The following XIRP2 variants were observed in gnomAD, a reference collection of about 807,000 sequenced individuals.
XIRP2 encodes xin actin-binding repeat-containing protein 2.
In XIRP2, 236 loss-of-function variants were observed where a neutral mutation model predicts 277.0. That is an observed-to-expected ratio of 0.85 (90% CI 0.77 to 0.95). The LOEUF is 0.95. Among genes scored for constraint, XIRP2 ranks in the 40% least tolerant of loss-of-function variants. The pLI is 0.00. For missense variants in XIRP2, 4,640 were observed against 4,157.5 expected (o/e 1.12, Z -3.19); for synonymous variants, 1,490 against 1,416.5 (o/e 1.05, Z -1.17).
chr2:167,240,922 A>G (rs1173651010), intron 7 of XIRP2, among the ~76,000 whole-genome samples, 186 bp downstream of exon 7: 4 of 152,194 alleles, frequency 2.6e-5, no homozygotes, highest in African/African-American at 9.7e-5. Flanking sequence ...CATAGGTGCA[A>G]TAAGTTTCTA....
intron 3 of XIRP2, among the ~76,000 whole-genome samples, chr2:167,147,291 G>A (rs1176498317): frequency 6.6e-6 from 1 of 152,174 alleles, no homozygotes; most frequent in Non-Finnish European, 1.5e-5. Context: ...GGCTTGGGAT[G>A]TGCAAACCCT....
At chr2:167,150,264 T>C (rs1178214912) in intron 3 of XIRP2, among the ~76,000 whole-genome samples, 1 of 152,066 alleles carries the variant, frequency 6.6e-6, no homozygotes. Flanking sequence ...TTTGTAGTTG[T>C]GGAGTGTATA....
chr2:167,251,789 T>C lies in XIRP2; in HGVS notation c.10397T>C (p.Ile3466Thr). The change falls in exon 9 of 11, where the codon ATT becomes ACT. Residue 3466 changes from isoleucine (I) to threonine (T), a missense_variant. By Grantham distance (89) the Ile-to-Thr change is moderately conservative. Transcript: ENST00000409195. The stretch of plus-strand genomic sequence containing the variant: ...TATGAGGATGTCATTGCTGGACATA[T>C]TTTAGATATCTCTGATTCACCTAAA... The part of the protein sequence containing the change: ...PTYEDVIAGH[I>T]LDISDSPKEV... 1 of 1,613,390 alleles carries C rather than the reference T, an allele frequency of 6.2e-7. No homozygotes were observed. Among genetic ancestry groups the C allele is most frequent in the Non-Finnish European group, 8.5e-7 (1 of 1,179,590 alleles).
chr2:167,259,159 G>A lies in XIRP2; in HGVS notation c.*1342G>A. On this transcript the variant is annotated 3_prime_UTR_variant, in exon 11 of 11. Transcript: ENST00000409195. ...ATCAAATTAAAAATATGCCATGCTT[G>A]GATTTAAGGGAATTTGGAAAGGATG... The A allele has an allele frequency of 1.9e-6, 3 of 1,612,978 alleles. No homozygotes were observed. Among genetic ancestry groups the A allele is most frequent in the Non-Finnish European group, 2.5e-6 (3 of 1,179,506 alleles).
chr2:166,973,029 A>G (rs1336559360), intron 2 of XIRP2, among the ~76,000 whole-genome samples: 2 of 152,106 alleles, frequency 1.3e-5, no homozygotes, highest in African/African-American at 4.8e-5. Flanking sequence ...TTTAACTTAC[A>G]TTTTCTAGCA....
chr2:166,976,446 T>C (rs2105426991), intron 2 of XIRP2, among the ~76,000 whole-genome samples: 1 of 152,356 alleles, frequency 6.6e-6, no homozygotes, highest in Non-Finnish European at 1.5e-5. Context: ...TTCCACTTTT[T>C]CTTCTAATAG....
In XIRP2 at chr2:167,247,711, A is replaced by T. The variant is rs1485341528; in HGVS notation, c.6319A>T (p.Lys2107Ter). 1 of 1,613,668 alleles carries T rather than the reference A, an allele frequency of 6.2e-7. No individual in the cohort carries two copies. Among genetic ancestry groups the T allele is most frequent in the East Asian group, 2.2e-5 (1 of 44,828 alleles). Reference protein sequence around the residue: ...ESDRAVRELKKDDVFNSIQSA... With the variant: ...ESDRAVRELK ...AGACAGGGCAGTGAGAGAGCTGAAG[A>T]AGGATGATGTCTTTAATTCCATCCA... The change falls in exon 9 of 11, where the codon AAG becomes TAG. Residue 2107 changes from lysine to a stop codon, truncating the protein, a stop_gained. Transcript: ENST00000409195. LOFTEE classifies it high-confidence loss of function.
At chr2:167,100,462 G>T (rs1034401569) in intron 2 of XIRP2, among the ~76,000 whole-genome samples, 2 of 152,172 alleles carry the variant, frequency 1.3e-5, no homozygotes, top group African/African-American at 4.8e-5. Flanking sequence ...ATCCTAAAGA[G>T]ATATTCTCCT....
At chr2:167,181,489 T>C (rs913692455) in intron 3 of XIRP2, among the ~76,000 whole-genome samples, 1 of 152,230 alleles carries the variant, frequency 6.6e-6, no homozygotes, top group Non-Finnish European at 1.5e-5. Context: ...AAATTCTTAC[T>C]GTCTCTCTCT....
At chr2:167,022,780 C>T (rs958311073) in intron 2 of XIRP2, among the ~76,000 whole-genome samples, 1 of 152,146 alleles carries the variant, frequency 6.6e-6, no homozygotes, top group Admixed American at 6.5e-5. Flanking sequence ...GACATGAACT[C>T]ATCCTTTTTT....
At chr2:166,930,622 T>C (rs1685309475) in intron 2 of XIRP2, among the ~76,000 whole-genome samples, 2 of 152,198 alleles carry the variant, frequency 1.3e-5, no homozygotes, top group African/African-American at 4.8e-5. Flanking sequence ...GGTTTTGAAA[T>C]TGAAATATAA....
At chr2:167,013,978 CTG>C (rs1295875160) in intron 2 of XIRP2, among the ~76,000 whole-genome samples, 4 of 151,010 alleles carry the variant, frequency 2.6e-5, no homozygotes, top group African/African-American at 9.7e-5. Context: ...GTGGAACAAA[CTG>C]AATGCAAATT....
intron 2 of XIRP2, among the ~76,000 whole-genome samples, chr2:167,027,775 A>T (rs1465982206): frequency 6.6e-6 from 1 of 152,086 alleles, no homozygotes; most frequent in Non-Finnish European, 1.5e-5. Flanking sequence ...GGTCCACTCC[A>T]GACCCTATAA....
At position 167,168,371 on chromosome 2, in the gene XIRP2, A is replaced by AT. The variant is rs771187633; in HGVS notation, c.562+32318dup. ...CTTCTCCTTCTGAGAGTCCCATTAC[A>AT]TTTTTTTTTGTAAGTTGTCTCATGG... On this transcript the variant is annotated intron_variant, in intron 3 of 10. Coordinates refer to ENST00000409195, the MANE Select transcript of XIRP2 (RefSeq NM_152381.6). Among the ~76,000 whole-genome samples, 410 of 148,290 alleles carry AT rather than the reference A, an allele frequency of 2.8e-3. 1 individual carries two copies. Among genetic ancestry groups the AT allele is most frequent in the Admixed American group, 8.0e-3 (119 of 14,876 alleles).
intron 2 of XIRP2, among the ~76,000 whole-genome samples, chr2:167,030,586 G>A (rs567646905): frequency 9.9e-5 from 15 of 151,852 alleles, no homozygotes; most frequent in African/African-American, 3.6e-4. Context: ...AGACTGTTAG[G>A]ATTTCCATTC....
chr2:166,937,852 A>G (rs957544023), intron 2 of XIRP2, among the ~76,000 whole-genome samples: 3 of 152,150 alleles, frequency 2.0e-5, no homozygotes, highest in South Asian at 4.1e-4. Context: ...GAATTTATCC[A>G]TTTCTTCTAG....
chr2:166,969,497 T>A (rs1686517579), intron 2 of XIRP2, among the ~76,000 whole-genome samples: 1 of 151,850 alleles, frequency 6.6e-6, no homozygotes, highest in African/African-American at 2.4e-5. Context: ...TCCTGCTGGG[T>A]TTTTTAATAT....
chr2:167,122,333 A>T (rs913017636), intron 2 of XIRP2, among the ~76,000 whole-genome samples: 2 of 152,190 alleles, frequency 1.3e-5, no homozygotes, highest in Admixed American at 1.3e-4. Context: ...TTCCAGCTGT[A>T]AAATGAGAGC....
chr2:166,966,836 T>G (rs1686445737), intron 2 of XIRP2, among the ~76,000 whole-genome samples: 1 of 151,818 alleles, frequency 6.6e-6, no homozygotes, highest in Non-Finnish European at 1.5e-5. Flanking sequence ...TTGCATAGAG[T>G]CTAAGTGGCA....
Sources: allele counts gnomAD v4.1 joint callset (sites outside exome capture counted in the v4.1 genomes callset), GRCh38; gene constraint gnomAD v4.1.1; transcripts MANE v1.5; gene names NCBI Gene and HGNC (gene_info 2026-07-23, HGNC 2026-07-21).